Variants in VPS54 observed in about 807,000 individuals in gnomAD.
VPS54 encodes vacuolar protein sorting-associated protein 54.
VPS54 carries 45 observed loss-of-function variants against 121.5 expected under a neutral mutation model. The ratio of observed to expected loss-of-function variants is 0.37; its 90% CI spans 0.29 to 0.47. The LOEUF (loss-of-function observed/expected upper bound fraction) is 0.47. Ranked by LOEUF, VPS54 falls within the 20% of genes least tolerant of loss-of-function variation. VPS54 has a pLI of 0.99. For missense variants in VPS54, 1,090 were observed against 1,131.4 expected (o/e 0.96, Z 0.52); for synonymous variants, 371 against 385.8 (o/e 0.96, Z 0.45).
chr2:63,983,370 C>CA (rs746625237), intron 2 of VPS54, among the ~76,000 whole-genome samples: 1 of 151,616 alleles, frequency 6.6e-6, no homozygotes, highest in Non-Finnish European at 1.5e-5. Context: ...CTCCTGACCT[C>CA]AAGTGATCTG....
At chr2:64,004,454 G>A (rs1004426946) in intron 1 of VPS54, among the ~76,000 whole-genome samples, 3 of 152,166 alleles carry the variant, frequency 2.0e-5, no homozygotes, top group African/African-American at 7.2e-5. Flanking sequence ...AGACCTGGCT[G>A]TCACCACCTT....
chr2:63,942,421 C>T (rs1395027961), intron 11 of VPS54, 44 bp downstream of exon 11: 3 of 1,368,974 alleles, frequency 2.2e-6, no homozygotes, highest in Non-Finnish European at 3.0e-6. Context: ...AGAAAGCTGA[C>T]TTAATTTTAG....
chr2:63,907,518 C>CAAAAAAAAAA (rs113824223), intron 20 of VPS54, among the ~76,000 whole-genome samples: 1 of 89,496 alleles, frequency 1.1e-5, no homozygotes, highest in Non-Finnish European at 2.2e-5. Context: ...AACTCCATCT[C>CAAAAAAAAAA]AAAAAAAAAA....
chr2:63,938,037 CGTGTGTGTGTGTGGTGTGTGTGGT>C (rs1369478539), intron 11 of VPS54, among the ~76,000 whole-genome samples: 1 of 97,722 alleles, frequency 1.0e-5, no homozygotes, highest in Non-Finnish European at 2.3e-5. Flanking sequence ...AAAGTGGAAA[CGTGTGTGTGTGTGGTGTGTGTGGT>C]GTGTGTGTGT....
chr2:63,955,868 A>G (rs1332944071), intron 7 of VPS54, among the ~76,000 whole-genome samples: 1 of 152,170 alleles, frequency 6.6e-6, no homozygotes, highest in African/African-American at 2.4e-5. Flanking sequence ...AAAATATTTA[A>G]GATAAATCTG....
chr2:63,899,552 G>C lies in VPS54; in HGVS notation c.2655C>G (p.Ala885=), dbSNP rs563617299. Residue 885 remains alanine, a synonymous_variant, in exon 21 of 23, where the codon GCC becomes GCG. Coordinates refer to ENST00000272322, the MANE Select transcript of VPS54 (RefSeq NM_016516.3). ...TTTGCTTACAAATATTCCTGAAACA[G>C]GCAGAAGGAACAGGAGCCTTCACTT... ...KYEVKAPVPS[A]CFRNICKQMT... The C allele has an allele frequency of 4.0e-5, 64 of 1,613,700 alleles. 1 individual carries two copies. The South Asian group carries it at 6.9e-4, about 17-fold the overall frequency.
Position 63,947,392 on chromosome 2 carries a change from G to A in VPS54, c.1236C>T (p.Ile412=), listed in dbSNP as rs1251117117. 1 of 1,551,696 alleles carries A rather than the reference G, an allele frequency of 6.4e-7. No homozygotes were observed. The highest frequency in any genetic ancestry group is 1.2e-5 in the South Asian group (1 of 86,418). Residue 412 remains isoleucine (I), a synonymous_variant, in exon 9 of 23, where the codon ATC becomes ATT. Transcript: ENST00000272322. ...AAAAATGCATAATTACCTGTTTAAT[G>A]ATATTCTTTGCTGTAATAACCATTT... ...GEKMVITAKN[I]IKQCVINKVS...
rs753363897 is a variant in VPS54, at chr2:63,972,167, A to G, written c.456T>C (p.His152=). Residue 152 remains histidine, a splice_region_variant and synonymous_variant, in exon 4 of 23, where the codon CAT becomes CAC. Transcript: ENST00000272322. Reference sequence around the variant, plus strand: ...TCTATAAATAACACATATTCATACCATGAGTATGTAAAAGAGTCCTTTCGA... The same window carrying G: ...TCTATAAATAACACATATTCATACCGTGAGTATGTAAAAGAGTCCTTTCGA... ...DTFERTLLHT[H]DKSRTDLEQV... is the part of the protein sequence containing the mutation. 1.9e-6 allele frequency: 3 copies of G among 1,566,434 alleles called. No homozygotes were observed. The highest frequency in any genetic ancestry group is 1.7e-5 in the Admixed American group (1 of 58,802).
chr2:63,971,116 C>T (rs1168874533), intron 4 of VPS54, among the ~76,000 whole-genome samples: 1 of 152,194 alleles, frequency 6.6e-6, no homozygotes, highest in Non-Finnish European at 1.5e-5. Flanking sequence ...GTCCTTGAAT[C>T]ATTTTGCTCC....
intron 1 of VPS54, among the ~76,000 whole-genome samples, chr2:63,999,505 C>T (rs1677767586): frequency 6.9e-6 from 1 of 145,574 alleles, no homozygotes; most frequent in African/African-American, 2.6e-5. Context: ...TCTCTTGCTC[C>T]TTTTAGTATC....
At chr2:63,973,183 G>A (rs900886353) in intron 3 of VPS54, among the ~76,000 whole-genome samples, 1 of 152,090 alleles carries the variant, frequency 6.6e-6, no homozygotes, top group African/African-American at 2.4e-5. Flanking sequence ...CTACATCCTT[G>A]TCAACATTTG....
chr2:63,893,290 T>C lies in VPS54; in HGVS notation c.*140A>G. On this transcript the variant is annotated 3_prime_UTR_variant, in exon 23 of 23. Transcript: ENST00000272322. ...CCCACTGAATCCAGTTTCCCAACACTTGATACTTTCCTTTTTCCCTTCCCC... is the reference window on the plus strand; with the variant it reads ...CCCACTGAATCCAGTTTCCCAACACCTGATACTTTCCTTTTTCCCTTCCCC... The C allele has an allele frequency of 1.2e-6, 1 of 809,852 alleles. No individual in the cohort carries two copies. The highest frequency in any genetic ancestry group is 2.2e-6 in the Non-Finnish European group (1 of 456,194). The allele number at this position is 809,852 out of a possible 1,614,324, so 50.2% of individuals were successfully genotyped here.
chr2:63,914,126 C>A, intron 17 of VPS54, 56 bp downstream of exon 17: 1 of 1,327,748 alleles, frequency 7.5e-7, no homozygotes, highest in Non-Finnish European at 1.1e-6. Context: ...TTAGTCACAC[C>A]CTAATGTATT....
At chr2:64,015,041 A>C (rs896558049) in intron 1 of VPS54, among the ~76,000 whole-genome samples, 94 of 152,310 alleles carry the variant, frequency 6.2e-4, no homozygotes, top group Admixed American at 2.0e-3. Flanking sequence ...TAAGTGTTAT[A>C]CATACATATA....
At chr2:63,898,627 CAAGT>C (rs1672543582) in intron 21 of VPS54, among the ~76,000 whole-genome samples, 1 of 152,004 alleles carries the variant, frequency 6.6e-6, no homozygotes, top group Admixed American at 6.6e-5. Flanking sequence ...CGCACTCAAC[CAAGT>C]AAGAGAGACA....
intron 20 of VPS54, among the ~76,000 whole-genome samples, chr2:63,901,251 G>C (rs1205330419): frequency 6.6e-6 from 1 of 152,178 alleles, no homozygotes; most frequent in South Asian, 2.1e-4. Flanking sequence ...ACAGAGATCA[G>C]GGGAACTAAT....
At chr2:63,911,838 A>C (rs918645829) in intron 20 of VPS54, among the ~76,000 whole-genome samples, 8 of 152,236 alleles carry the variant, frequency 5.3e-5, no homozygotes, top group Admixed American at 2.0e-4. Context: ...TAGGGAAAGT[A>C]AACAGTGAAA....
chr2:64,015,732 TGTTA>T (rs1237285944), intron 1 of VPS54, among the ~76,000 whole-genome samples: 4 of 151,714 alleles, frequency 2.6e-5, no homozygotes, highest in African/African-American at 9.7e-5. Context: ...CAACTGGCCC[TGTTA>T]ATTATATTTT....
chr2:64,016,088 G>A (rs999543313), intron 1 of VPS54, among the ~76,000 whole-genome samples: 2 of 152,138 alleles, frequency 1.3e-5, no homozygotes, highest in African/African-American at 4.8e-5. Flanking sequence ...TCCTCATCTG[G>A]TTGCTGCCAA....
Sources: gnomAD v4.1 joint callset for allele counts (sites outside exome capture counted in the v4.1 genomes callset) on GRCh38, gnomAD v4.1.1 for gene constraint, MANE v1.5 for transcripts, NCBI Gene and HGNC (gene_info 2026-07-23, HGNC 2026-07-21) for gene names.